The following TSACC variants were observed in gnomAD, a reference collection of about 807,000 sequenced individuals.
TSACC encodes TSSK6-activating co-chaperone protein.
A neutral mutation model predicts 6.9 loss-of-function variants in TSACC; 3 were observed. That is an observed-to-expected ratio of 0.43 (90% confidence interval 0.20 to 1.12). TSACC has a LOEUF of 1.12. Among genes scored for constraint, TSACC ranks in the 50% most tolerant of loss-of-function variants. TSACC has a pLI of 0.28. For synonymous variants in TSACC, 54 were observed against 55.1 expected (o/e 0.98, Z 0.09); for missense variants, 137 against 143.9 (o/e 0.95, Z 0.24).
At chr1:156,343,513 A>G (rs1262064482) in intron 2 of TSACC, among the ~76,000 whole-genome samples, 1 of 152,110 alleles carries the variant, frequency 6.6e-6, no homozygotes, top group African/African-American at 2.4e-5. Context: ...AGAATAGGAG[A>G]TCAGAAGAAA....
Position 156,346,454 on chromosome 1 carries a change from T to G in TSACC, c.164-314T>G, listed in dbSNP as rs147041691. ...ACAAATCAGATAAAAATCCTTGCCT[T>G]CCTGGAGCTTACGTTCTAGAAGGGG... On this transcript the variant is annotated intron_variant, in intron 3 of 3. Transcript: ENST00000368254. Among the ~76,000 whole-genome samples the G allele has an allele frequency of 2.7e-3, 408 of 152,298 alleles. 1 individual carries two copies. Among genetic ancestry groups the G allele is most frequent in the African/African-American group, 9.4e-3 (392 of 41,564 alleles).
At chr1:156,338,804 C>T (rs1215376154) in intron 1 of TSACC, 199 bp downstream of exon 1, 1 of 154,176 alleles carries the variant, frequency 6.5e-6, no homozygotes, top group African/African-American at 2.4e-5. Context: ...CCGGGCCGGA[C>T]TGCGCAGCCT....
chr1:156,345,738 C>A (rs1468673444), intron 3 of TSACC, among the ~76,000 whole-genome samples: 1 of 150,804 alleles, frequency 6.6e-6, no homozygotes, highest in Non-Finnish European at 1.5e-5. Flanking sequence ...CATGGTGGCA[C>A]CTGCCTGTAA....
At chr1:156,346,187 C>T (rs1413736256) in intron 3 of TSACC, among the ~76,000 whole-genome samples, 6 of 139,740 alleles carry the variant, frequency 4.3e-5, no homozygotes, top group Non-Finnish European at 7.6e-5. Context: ...AGTGAAACTC[C>T]GTCTCCAAAA....
intron 2 of TSACC, among the ~76,000 whole-genome samples, chr1:156,340,128 A>G (rs1418336080): frequency 6.6e-6 from 1 of 152,168 alleles, no homozygotes; most frequent in Non-Finnish European, 1.5e-5. Context: ...GGATCAGATT[A>G]TCTGAAAGAC....
intron 2 of TSACC, among the ~76,000 whole-genome samples, chr1:156,343,668 C>G (rs967196386): frequency 1.3e-5 from 2 of 152,110 alleles, no homozygotes; most frequent in Admixed American, 6.6e-5. Context: ...GGTCACAGGC[C>G]AATCCTTGTT....
upstream of TSACC, chr1:156,338,115 CG>C: frequency 6.4e-7 from 1 of 1,568,810 alleles, no homozygotes; most frequent in Non-Finnish European, 8.6e-7. Context: ...CAGAAGAGGG[CG>C]AAAAGGGGGT....
At chr1:156,342,462 A>G (rs1160880491) in intron 2 of TSACC, among the ~76,000 whole-genome samples, 1 of 152,234 alleles carries the variant, frequency 6.6e-6, no homozygotes, top group Non-Finnish European at 1.5e-5. Context: ...TGGCACCCAC[A>G]TATAAGCACT....
chr1:156,338,305 T>C (rs529127203), upstream of TSACC: 7 of 945,410 alleles, frequency 7.4e-6, no homozygotes, highest in South Asian at 7.0e-5. Context: ...CTCAACCCGC[T>C]ACTCTCAAGG....
intron 2 of TSACC, 72 bp downstream of exon 2, chr1:156,339,863 G>T: frequency 1.3e-6 from 2 of 1,536,462 alleles, no homozygotes; most frequent in Non-Finnish European, 1.8e-6. Flanking sequence ...CTAAATGGGA[G>T]CATTGCTGTA....
intron 2 of TSACC, among the ~76,000 whole-genome samples, chr1:156,341,677 T>A (rs1056590664): frequency 2.0e-5 from 3 of 152,178 alleles, no homozygotes; most frequent in Non-Finnish European, 4.4e-5. Context: ...TGTAAAGCAG[T>A]CTCTTTCTTT....
intron 3 of TSACC, 89 bp from the exon 4 acceptor site, chr1:156,346,679 T>C: frequency 3.8e-6 from 5 of 1,299,422 alleles, no homozygotes. Context: ...ATTGGAGAGG[T>C]CATTTTATTA....
chr1:156,338,066 A>G, upstream of TSACC: 3 of 1,413,738 alleles, frequency 2.1e-6, no homozygotes, highest in Non-Finnish European at 2.9e-6. Context: ...TGGCCCGGTC[A>G]GTGGGGGACG....
intron 1 of TSACC, among the ~76,000 whole-genome samples, chr1:156,339,317 T>C (rs1393979808): frequency 6.6e-6 from 1 of 151,326 alleles, no homozygotes; most frequent in Non-Finnish European, 1.5e-5. Context: ...TTCCCCCACA[T>C]CCATCCCTCT....
intron 3 of TSACC, among the ~76,000 whole-genome samples, chr1:156,346,169 G>C (rs1666160740): frequency 6.7e-6 from 1 of 149,604 alleles, no homozygotes. Context: ...ACTCTAGCCT[G>C]GGTGACAAGT....
intron 2 of TSACC, among the ~76,000 whole-genome samples, chr1:156,342,039 G>A (rs1273138282): frequency 2.0e-5 from 3 of 148,602 alleles, no homozygotes; most frequent in Non-Finnish European, 4.4e-5. Context: ...TCCAGCCTGG[G>A]CGACAGAGCA....
At chr1:156,337,998 AAG>A (rs550162518), upstream of TSACC, among the ~76,000 whole-genome samples, 449 of 152,254 alleles carry the variant, frequency 2.9e-3, 2 homozygotes, top group African/African-American at 0.01. Context: ...AGGTTAAGAG[AAG>A]AGAGGAAAGC....
intron 3 of TSACC, among the ~76,000 whole-genome samples, chr1:156,346,505 T>C (rs1666188924): frequency 6.6e-6 from 1 of 152,148 alleles, no homozygotes; most frequent in African/African-American, 2.4e-5. Context: ...TAAGTAATTA[T>C]AAAATATGCC....
chr1:156,340,604 G>A lies in TSACC; in HGVS notation c.34+813G>A, dbSNP rs1179708172. 2.0e-5 allele frequency among the ~76,000 whole-genome samples: 3 copies of A among 152,136 alleles called. No homozygotes were observed. The East Asian group carries it at 5.8e-4, about 29-fold the overall frequency. ...AGCTTCCCGAGTAGCTGGGATTGCA[G>A]GCGTGCACCCCCACGCCCAGCTAAT... On this transcript the variant is annotated intron_variant, in intron 2 of 3. Transcript: ENST00000368254.
Sources: gnomAD v4.1 joint callset for allele counts (sites outside exome capture counted in the v4.1 genomes callset) on GRCh38, gnomAD v4.1.1 for gene constraint, MANE v1.5 for transcripts, NCBI Gene and HGNC (gene_info 2026-07-23, HGNC 2026-07-21) for gene names.